The following COP1 variants were observed in gnomAD, a reference collection of about 807,000 sequenced individuals.
COP1 encodes E3 ubiquitin-protein ligase COP1.
COP1 carries 24 observed loss-of-function variants against 101.3 expected under a neutral mutation model. The observed-to-expected ratio is 0.24, with a 90% CI of 0.17 to 0.33. COP1 has a LOEUF of 0.33. COP1 is among the 10% of genes least tolerant of loss of function. COP1 has a pLI of 1.00. For synonymous variants in COP1, 347 were observed against 341.9 expected (o/e 1.01, Z -0.17); for missense variants, 663 against 906.2 (o/e 0.73, Z 3.45).
At position 176,135,222 on chromosome 1, in the gene COP1, G is replaced by T. The variant is rs1238895838; in HGVS notation, c.892-136C>A. 3 of 540,694 alleles carry T rather than the reference G, an allele frequency of 5.5e-6. No homozygotes were observed. The Admixed American group carries it at 1.0e-4, about 18-fold the overall frequency. 33.5% of individuals were successfully genotyped at this position (540,694 alleles called of 1,614,324 possible). On this transcript the variant is annotated intron_variant, in intron 7 of 19. Transcript: ENST00000367669. The stretch of plus-strand genomic sequence containing the variant: ...TTGTCTCAATATCAAATTTCTGAAG[G>T]CTTCCTCTCCACAGAATACAAAAGC...
chr1:176,052,938 G>C (rs1226682881), intron 11 of COP1, among the ~76,000 whole-genome samples: 2 of 151,792 alleles, frequency 1.3e-5, no homozygotes, highest in Non-Finnish European at 2.9e-5. Flanking sequence ...GATTTACATT[G>C]CCTGGATGTA....
chr1:175,949,376 G>C (rs1031993605), intron 18 of COP1, among the ~76,000 whole-genome samples: 2 of 151,946 alleles, frequency 1.3e-5, no homozygotes, highest in African/African-American at 4.8e-5. Context: ...GAAAGTGGTT[G>C]GAGTAGGTTC....
At chr1:176,006,709 G>C (rs186380528) in intron 15 of COP1, among the ~76,000 whole-genome samples, 26 of 152,252 alleles carry the variant, frequency 1.7e-4, no homozygotes, top group African/African-American at 5.8e-4. Flanking sequence ...GGTTTCTGCC[G>C]AGAGATCCGC....
chr1:176,143,019 AAAAC>A (rs1319953207), intron 6 of COP1, among the ~76,000 whole-genome samples: 11 of 152,166 alleles, frequency 7.2e-5, no homozygotes, highest in South Asian at 2.1e-4. Context: ...AATAAAACAG[AAAAC>A]AAACAAAACA....
intron 14 of COP1, among the ~76,000 whole-genome samples, chr1:176,030,207 C>T (rs532378253): frequency 6.6e-6 from 1 of 152,280 alleles, no homozygotes; most frequent in African/African-American, 2.4e-5. Flanking sequence ...GCATGATGTA[C>T]TATTTCAATC....
intron 14 of COP1, among the ~76,000 whole-genome samples, chr1:176,042,425 T>C (rs1670749065): frequency 6.8e-6 from 1 of 147,926 alleles, no homozygotes; most frequent in Admixed American, 6.8e-5. Context: ...TAGCCAGGCA[T>C]GGTGGTGGGT....
intron 11 of COP1, among the ~76,000 whole-genome samples, chr1:176,072,881 C>A (rs187680395): frequency 6.6e-6 from 1 of 152,190 alleles, no homozygotes; most frequent in East Asian, 1.9e-4. Context: ...ATTATTTTGA[C>A]CTCCTTATAG....
chr1:176,135,059 T>G lies in COP1; in HGVS notation c.919A>C (p.Ser307Arg), dbSNP rs1689575270. ...AATTGAGGCACTGTGCTATCCTCACTGACAGGAGAGTATAAGCCACTCATT... is the reference window on the plus strand; with the variant it reads ...AATTGAGGCACTGTGCTATCCTCACGGACAGGAGAGTATAAGCCACTCATT... ...EEMSGLYSPV[S>R]EDSTVPQFEA... The change falls in exon 8 of 20, where the codon AGT (serine) becomes CGT (arginine). Residue 307 changes from serine (S) to arginine (R), a missense_variant. Transcript: ENST00000367669. The G allele has an allele frequency of 1.2e-6, 2 of 1,609,820 alleles. No homozygotes were observed. Among genetic ancestry groups the G allele is most frequent in the Non-Finnish European group, 1.7e-6 (2 of 1,176,660 alleles).
At chr1:175,954,302 A>C (rs1650333849) in intron 18 of COP1, among the ~76,000 whole-genome samples, 1 of 152,196 alleles carries the variant, frequency 6.6e-6, no homozygotes, top group Non-Finnish European at 1.5e-5. Context: ...TATAGCTTCC[A>C]ATACTTATTA....
At chr1:176,175,118 T>C (rs564910577) in intron 3 of COP1, among the ~76,000 whole-genome samples, 2 of 152,286 alleles carry the variant, frequency 1.3e-5, no homozygotes, top group South Asian at 4.1e-4. Flanking sequence ...TCAGATTCTC[T>C]TCACCCATTC....
intron 3 of COP1, among the ~76,000 whole-genome samples, chr1:176,169,506 G>A (rs1695711077): frequency 6.6e-6 from 1 of 152,026 alleles, no homozygotes. Context: ...AATAAAGCAA[G>A]TCACATGAAT....
At chr1:176,166,168 G>A (rs577477578) in intron 3 of COP1, among the ~76,000 whole-genome samples, 5 of 151,858 alleles carry the variant, frequency 3.3e-5, no homozygotes, top group Non-Finnish European at 5.9e-5. Context: ...ACTCTGTCAC[G>A]CAGGATGGAG....
At chr1:176,202,719 A>T (rs1700397673) in intron 1 of COP1, among the ~76,000 whole-genome samples, 1 of 152,046 alleles carries the variant, frequency 6.6e-6, no homozygotes, top group Non-Finnish European at 1.5e-5. Flanking sequence ...AGAATGGTCA[A>T]CAGGCTTCAT....
intron 9 of COP1, among the ~76,000 whole-genome samples, chr1:176,103,516 G>A (rs1222869513): frequency 6.6e-6 from 1 of 152,116 alleles, no homozygotes; most frequent in African/African-American, 2.4e-5. Flanking sequence ...CCCTACCTTG[G>A]AATATTTGCA....
chr1:176,150,110 A>G (rs534928060), intron 5 of COP1, among the ~76,000 whole-genome samples: 2 of 152,204 alleles, frequency 1.3e-5, no homozygotes, highest in African/African-American at 2.4e-5. Context: ...TGCCCAGATG[A>G]TAAGAATAAG....
At chr1:176,103,291 C>T (rs1014484390) in intron 9 of COP1, among the ~76,000 whole-genome samples, 2 of 152,180 alleles carry the variant, frequency 1.3e-5, no homozygotes, top group Non-Finnish European at 1.5e-5. Flanking sequence ...TAAGGCTGGT[C>T]AAAAGATCAC....
At chr1:176,040,161 TA>T (rs1670267751) in intron 14 of COP1, among the ~76,000 whole-genome samples, 1 of 152,172 alleles carries the variant, frequency 6.6e-6, no homozygotes, top group African/African-American at 2.4e-5. Context: ...CTAAAATAAA[TA>T]TATCTATTGT....
intron 18 of COP1, among the ~76,000 whole-genome samples, chr1:175,953,622 A>C (rs1343909331): frequency 6.6e-6 from 1 of 152,032 alleles, no homozygotes; most frequent in African/African-American, 2.4e-5. Context: ...CACTTTAAAC[A>C]TAAAAATACA....
chr1:176,121,460 TTTA>T (rs1172566461), intron 8 of COP1, among the ~76,000 whole-genome samples: 6 of 152,242 alleles, frequency 3.9e-5, no homozygotes, highest in South Asian at 2.1e-4. Context: ...GCAGCTAACA[TTTA>T]TTGAGTTCTT....
Sources: gnomAD v4.1 joint callset for allele counts (sites outside exome capture counted in the v4.1 genomes callset) on GRCh38, gnomAD v4.1.1 for gene constraint, MANE v1.5 for transcripts, NCBI Gene and HGNC (gene_info 2026-07-23, HGNC 2026-07-21) for gene names.